Variants in SNX29 observed in about 807,000 individuals in gnomAD.
The protein encoded by SNX29 is sorting nexin 29.
A neutral mutation model predicts 102.1 loss-of-function variants in SNX29; 78 were observed. The ratio of observed to expected loss-of-function variants is 0.76; its 90% CI spans 0.64 to 0.92. The LOEUF is 0.92. Ranked by LOEUF, SNX29 falls within the 40% of genes least tolerant of loss-of-function variation. SNX29 has a pLI of 0.00. For synonymous variants in SNX29, 580 were observed against 414.5 expected (o/e 1.40, Z -4.85); for missense variants, 1,280 against 1,061.7 (o/e 1.21, Z -2.86).
At chr16:12,484,012 G>C (rs2088103248) in intron 19 of SNX29, among the ~76,000 whole-genome samples, 1 of 152,208 alleles carries the variant, frequency 6.6e-6, no homozygotes, top group Admixed American at 6.5e-5. Flanking sequence ...GAATGACATT[G>C]TTCAGCGGGA....
intron 19 of SNX29, among the ~76,000 whole-genome samples, chr16:12,523,604 G>A (rs1375752927): frequency 2.0e-5 from 3 of 152,232 alleles, no homozygotes; most frequent in Admixed American, 6.5e-5. Context: ...AAATTAATGA[G>A]AATGGTGGGC....
At chr16:12,553,866 T>A (rs2078151278) in intron 20 of SNX29, among the ~76,000 whole-genome samples, 2 of 152,050 alleles carry the variant, frequency 1.3e-5, no homozygotes, top group South Asian at 4.2e-4. Context: ...GGATTTCAGA[T>A]GGAGTCTCAC....
At chr16:12,417,509 C>G (rs537057330) in intron 18 of SNX29, among the ~76,000 whole-genome samples, 2 of 152,112 alleles carry the variant, frequency 1.3e-5, no homozygotes, top group South Asian at 4.2e-4. Flanking sequence ...CTCTTTGCTC[C>G]CCGCTTTGCA....
intron 15 of SNX29, among the ~76,000 whole-genome samples, chr16:12,315,344 T>G (rs565790803): frequency 9.2e-5 from 14 of 152,202 alleles, no homozygotes; most frequent in Non-Finnish European, 1.0e-4. Context: ...CTTTACACCT[T>G]GTGGATCTAA....
intron 15 of SNX29, among the ~76,000 whole-genome samples, chr16:12,317,946 G>C (rs2080805668): frequency 1.3e-5 from 2 of 152,366 alleles, no homozygotes; most frequent in South Asian, 4.1e-4. Flanking sequence ...CTACCGGCCT[G>C]GGGGAAACAC....
chr16:12,246,258 A>G (rs1204821779), intron 14 of SNX29, among the ~76,000 whole-genome samples: 20 of 152,092 alleles, frequency 1.3e-4, no homozygotes, highest in Non-Finnish European at 2.2e-4. Flanking sequence ...GACAGCTCAT[A>G]ATTTTCTCCT....
intron 1 of SNX29, among the ~76,000 whole-genome samples, chr16:11,978,689 A>G (rs2055354979): frequency 6.6e-6 from 1 of 152,094 alleles, no homozygotes; most frequent in African/African-American, 2.4e-5. Flanking sequence ...ACAGTTCTGG[A>G]CCCTTTTCGT....
At chr16:12,437,528 A>AGT (rs1343173825) in intron 18 of SNX29, among the ~76,000 whole-genome samples, 1 of 152,240 alleles carries the variant, frequency 6.6e-6, no homozygotes, top group Non-Finnish European at 1.5e-5. Context: ...ATACATATGA[A>AGT]GTACATCAAG....
intron 9 of SNX29, among the ~76,000 whole-genome samples, chr16:12,068,138 G>A (rs1293091069): frequency 6.6e-6 from 1 of 152,080 alleles, no homozygotes; most frequent in Non-Finnish European, 1.5e-5. Flanking sequence ...TCTGGCCCTG[G>A]TTCTGAATAT....
chr16:12,094,370 C>G lies in SNX29; in HGVS notation c.1402+15455C>G, dbSNP rs75502369. ...AACAACACCCTCAAAGGGTACGTTG[C>G]TGACGAATCTTCCTGAAAACAACAT... On this transcript the variant is annotated intron_variant, in intron 11 of 20. Coordinates refer to ENST00000566228, the MANE Select transcript of SNX29 (RefSeq NM_032167.5). Among the ~76,000 whole-genome samples, 321 of 152,290 alleles carry G rather than the reference C, an allele frequency of 2.1e-3. 1 individual carries two copies. In the East Asian group the frequency reaches 0.042, roughly 20 times the overall value.
intron 15 of SNX29, among the ~76,000 whole-genome samples, chr16:12,332,267 C>T (rs1215414621): frequency 1.3e-5 from 2 of 151,988 alleles, no homozygotes; most frequent in African/African-American, 2.4e-5. Flanking sequence ...TGTGTGTGCA[C>T]GGGCATATGC....
intron 19 of SNX29, 72 bp from the exon 20 acceptor site, chr16:12,524,630 C>T: frequency 2.0e-6 from 3 of 1,528,616 alleles, no homozygotes; most frequent in Non-Finnish European, 2.6e-6. Flanking sequence ...TGGGTGATCG[C>T]CTGTTCTATA....
intron 18 of SNX29, among the ~76,000 whole-genome samples, chr16:12,407,766 C>T (rs1372665189): frequency 6.6e-6 from 1 of 152,168 alleles, no homozygotes; most frequent in Admixed American, 6.5e-5. Context: ...CTGACAAGGT[C>T]CTGGTCTTTA....
chr16:12,192,099 G>T (rs1405530594), intron 13 of SNX29, among the ~76,000 whole-genome samples: 1 of 152,192 alleles, frequency 6.6e-6, no homozygotes, highest in African/African-American at 2.4e-5. Context: ...GAGTAGTGCT[G>T]TCTGGGGTTG....
chr16:11,993,148 A>G (rs1047244450), intron 1 of SNX29, among the ~76,000 whole-genome samples: 1 of 150,896 alleles, frequency 6.6e-6, no homozygotes, highest in Non-Finnish European at 1.5e-5. Flanking sequence ...TTGGGCAACA[A>G]AGTGAGACTC....
rs545883354 is a variant in SNX29, at chr16:12,432,259, T to C, written c.2037+28730T>C. 1.2e-3 allele frequency among the ~76,000 whole-genome samples: 184 copies of C among 152,374 alleles called. 1 individual carries two copies. Among genetic ancestry groups the C allele is most frequent in the African/African-American group, 3.9e-3 (163 of 41,588 alleles). On this transcript the variant is annotated intron_variant, in intron 18 of 20. Coordinates refer to ENST00000566228, the MANE Select transcript of SNX29 (RefSeq NM_032167.5). ...CATTTACGCATTCGCCAATTACCGT[T>C]AGTCATGGCTGTTTGTATATCTTGT...
At chr16:12,559,381 C>G (rs1241017602) in intron 20 of SNX29, among the ~76,000 whole-genome samples, 1 of 151,372 alleles carries the variant, frequency 6.6e-6, no homozygotes, top group South Asian at 2.1e-4. Context: ...TGATCTCTCA[C>G]CCTCTCCCAT....
At chr16:12,285,123 C>A (rs1275275132) in intron 15 of SNX29, among the ~76,000 whole-genome samples, 1 of 152,180 alleles carries the variant, frequency 6.6e-6, no homozygotes, top group Non-Finnish European at 1.5e-5. Context: ...ATTTTGCTTA[C>A]CAGCGGTGCT....
chr16:12,139,611 G>A (rs903465881), intron 13 of SNX29, among the ~76,000 whole-genome samples: 6 of 152,192 alleles, frequency 3.9e-5, no homozygotes, highest in Admixed American at 3.3e-4. Flanking sequence ...ACCTGTGGAT[G>A]GTCGTTTGCC....
Sources: allele counts gnomAD v4.1 joint callset (sites outside exome capture counted in the v4.1 genomes callset), GRCh38; gene constraint gnomAD v4.1.1; transcripts MANE v1.5; gene names NCBI Gene and HGNC (gene_info 2026-07-23, HGNC 2026-07-21).